The following TATDN2 variants were observed in gnomAD, a reference collection of about 807,000 sequenced individuals.
TATDN2 encodes 3'-5' RNA nuclease TATDN2.
Under a neutral mutation model 60.3 loss-of-function variants are expected in TATDN2, and 44 were observed. That is an observed-to-expected ratio of 0.73 (90% CI 0.57 to 0.94). The LOEUF (loss-of-function observed/expected upper bound fraction) is 0.94. Ranked by LOEUF, TATDN2 falls within the 40% of genes least tolerant of loss-of-function variation. TATDN2 has a pLI of 0.00. For missense variants in TATDN2, 997 were observed against 948.0 expected, an observed-to-expected ratio of 1.05 and a Z score of -0.68; for synonymous variants, 399 against 355.8, an observed-to-expected ratio of 1.12 and a Z score of -1.37.
At chr3:10,273,029 C>G (rs1698589129) in intron 4 of TATDN2, among the ~76,000 whole-genome samples, 1 of 152,068 alleles carries the variant, frequency 6.6e-6, no homozygotes, top group Non-Finnish European at 1.5e-5. Context: ...GACCCTGTCT[C>G]AAGACAAAAT....
At chr3:10,267,030 A>G (rs1698487570) in intron 3 of TATDN2, among the ~76,000 whole-genome samples, 1 of 148,608 alleles carries the variant, frequency 6.7e-6, no homozygotes, top group South Asian at 2.1e-4. Context: ...AGTGATTCTC[A>G]TGTCTCAGCC....
Position 10,278,394 on chromosome 3 carries a change from G to A in TATDN2, c.2077G>A (p.Ala693Thr), listed in dbSNP as rs1698669240. 4.3e-6 allele frequency: 7 copies of A among 1,614,104 alleles called. No homozygotes were observed. The highest frequency in any genetic ancestry group is 1.1e-5 in the South Asian group (1 of 91,090). The change falls in exon 6 of 8, where the codon GCC becomes ACC. Residue 693 changes from alanine to threonine, a missense_variant. Transcript: ENST00000448281. This position sits in a 1 kb window ranked among gnomAD's most constrained non-coding sequence, Gnocchi z 4.7. ...CTCCTCTGCCTGGGAGGCCCGGGAA[G>A]CCTTGAGGCAGATCCCACTGGAGAG... is the stretch of plus-strand genomic sequence containing the variant. ...TYSSAWEARE[A>T]LRQIPLERII...
At chr3:10,257,308 A>G (rs1030695310) in intron 2 of TATDN2, among the ~76,000 whole-genome samples, 2 of 148,160 alleles carry the variant, frequency 1.3e-5, no homozygotes, top group East Asian at 4.1e-4. Flanking sequence ...ATATATATAT[A>G]TATATGAATT....
chr3:10,267,210 C>T (rs1342709034), intron 3 of TATDN2, among the ~76,000 whole-genome samples: 2 of 151,848 alleles, frequency 1.3e-5, no homozygotes, highest in African/African-American at 2.4e-5. Context: ...CGTGAGCCCC[C>T]TTGCCCGGCT....
chr3:10,265,276 C>T (rs565615810), intron 3 of TATDN2, among the ~76,000 whole-genome samples: 2 of 150,494 alleles, frequency 1.3e-5, no homozygotes, highest in Admixed American at 6.6e-5. Context: ...AGGATTTCAC[C>T]ATGCTGGTCA....
Position 10,278,400 on chromosome 3 carries a change from A to G in TATDN2, c.2083A>G (p.Arg695Gly). 1 of 1,614,156 alleles carries G rather than the reference A, an allele frequency of 6.2e-7. No individual in the cohort carries two copies. Residue 695 changes from arginine to glycine, a missense_variant, in exon 6 of 8, where the codon AGG becomes GGG. Transcript: ENST00000448281. This position sits in a 1 kb window ranked among gnomAD's most constrained non-coding sequence, Gnocchi z 4.7. ...TGCCTGGGAGGCCCGGGAAGCCTTG[A>G]GGCAGATCCCACTGGAGAGAATCAT... ...SSAWEAREALRQIPLERIIVE... is the reference protein window; with the variant it reads ...SSAWEAREALGQIPLERIIVE...
Position 10,270,428 on chromosome 3 carries a change from A to G in TATDN2, c.1246A>G (p.Met416Val), listed in dbSNP as rs764390623. 5 of 1,614,220 alleles carry G rather than the reference A, an allele frequency of 3.1e-6. No individual in the cohort carries two copies. The highest frequency in any genetic ancestry group is 1.6e-4 in the Middle Eastern group (1 of 6,062). The change falls in exon 4 of 8, where the codon ATG (methionine) becomes GTG (valine). Residue 416 changes from methionine to valine, a missense_variant. Coordinates refer to ENST00000448281, the MANE Select transcript of TATDN2 (RefSeq NM_014760.4). Reference protein sequence around the residue: ...AQVGKSSRSRMSDYSPNSTGS... With the variant: ...AQVGKSSRSRVSDYSPNSTGS... Reference sequence around the variant, plus strand: ...GGTTGGGAAGAGCAGCCGGAGCCGCATGAGTGATTATTCCCCCAACTCTAC... The same window carrying G: ...GGTTGGGAAGAGCAGCCGGAGCCGCGTGAGTGATTATTCCCCCAACTCTAC...
At chr3:10,274,615 G>T (rs1470517115) in intron 4 of TATDN2, among the ~76,000 whole-genome samples, 1 of 151,192 alleles carries the variant, frequency 6.6e-6, no homozygotes, top group African/African-American at 2.4e-5. Context: ...GGGTCGGGGA[G>T]GGCAGATGAA....
chr3:10,251,531 G>A (rs1698232150), intron 2 of TATDN2, among the ~76,000 whole-genome samples: 1 of 151,774 alleles, frequency 6.6e-6, no homozygotes, highest in Non-Finnish European at 1.5e-5. Context: ...GACTACAGGT[G>A]TGCGCTACCG....
chr3:10,276,006 C>A (rs1698631434), intron 4 of TATDN2, among the ~76,000 whole-genome samples: 1 of 152,124 alleles, frequency 6.6e-6, no homozygotes, highest in African/African-American at 2.4e-5. Context: ...CCCTGCCCTG[C>A]CCCTGCCACC....
chr3:10,249,224 C>G lies in TATDN2; in HGVS notation c.24C>G (p.Val8=). Residue 8 remains valine (V), a synonymous_variant, in exon 2 of 8, where the codon GTC becomes GTG. Coordinates refer to ENST00000448281, the MANE Select transcript of TATDN2 (RefSeq NM_014760.4). ...CCATGGCGTCCGAGCGGGGCAAGGT[C>G]AAGCACAACTGGAGCAGCACGTCGG... The part of the protein sequence containing the change: MASERGK[V]KHNWSSTSEG... 1 of 1,537,796 alleles carries G rather than the reference C, an allele frequency of 6.5e-7. No individual in the cohort carries two copies. Among genetic ancestry groups the G allele is most frequent in the Non-Finnish European group, 8.8e-7 (1 of 1,140,492 alleles).
Position 10,270,364 on chromosome 3 carries a change from C to A in TATDN2, c.1182C>A (p.Ser394Arg). 6.2e-7 allele frequency: 1 copy of A among 1,614,194 alleles called. No homozygotes were observed. The highest frequency in any genetic ancestry group is 1.7e-5 in the Admixed American group (1 of 60,016). Residue 394 changes from serine (S) to arginine (R), a missense_variant, in exon 4 of 8, where the codon AGC (serine) becomes AGA (arginine). Ser to Arg is a moderately radical substitution (Grantham distance 110). Coordinates refer to ENST00000448281, the MANE Select transcript of TATDN2 (RefSeq NM_014760.4). The part of the protein sequence containing the change: ...SYWTSSPKPS[S>R]YPSTGSSSND... ...GGACCAGCAGCCCCAAGCCTTCTAG[C>A]TACCCCTCCACAGGCAGCAGCAGCA...
chr3:10,262,608 T>C (rs1370110706), intron 3 of TATDN2, among the ~76,000 whole-genome samples: 1 of 142,954 alleles, frequency 7.0e-6, no homozygotes, highest in Non-Finnish European at 1.5e-5. Flanking sequence ...TGATCTTGGC[T>C]CACTGCAGCC....
Position 10,248,622 on chromosome 3 carries a change from C to T in TATDN2, c.-452C>T, listed in dbSNP as rs1017369105. On this transcript the variant is annotated 5_prime_UTR_variant, in exon 1 of 8. Transcript: ENST00000448281. ...AGCTGCGGCAGCCGGCGGGGGGCGT[C>T]CTGAGTTGGCGGTCGAGGGCGCTGC... 3 of 151,964 alleles carry T rather than the reference C, an allele frequency of 2.0e-5. No individual in the cohort carries two copies. Among genetic ancestry groups the T allele is most frequent in the African/African-American group, 7.2e-5 (3 of 41,476 alleles). 9.4% of individuals were successfully genotyped at this position (151,964 alleles called of 1,614,324 possible).
intron 4 of TATDN2, 29 bp from the exon 5 acceptor site, chr3:10,276,332 A>G: frequency 1.2e-6 from 2 of 1,612,180 alleles, no homozygotes; most frequent in South Asian, 1.1e-5. Context: ...CTGCTAACCA[A>G]CAGGGGTTGT....
At chr3:10,269,190 G>A (rs773087991) in intron 3 of TATDN2, among the ~76,000 whole-genome samples, 16 of 152,212 alleles carry the variant, frequency 1.1e-4, no homozygotes, top group Non-Finnish European at 1.5e-4. Context: ...TTGGGTTGCC[G>A]GACTTCTTAC....
chr3:10,254,437 C>G (rs749594514), intron 2 of TATDN2, among the ~76,000 whole-genome samples: 1 of 152,182 alleles, frequency 6.6e-6, no homozygotes, highest in African/African-American at 2.4e-5. Flanking sequence ...CTGGCCCTCC[C>G]TTCTCTCATC....
At chr3:10,271,618 T>A (rs1400107363) in intron 4 of TATDN2, among the ~76,000 whole-genome samples, 2 of 152,204 alleles carry the variant, frequency 1.3e-5, no homozygotes, top group African/African-American at 2.4e-5. Flanking sequence ...TTGTTTTTTT[T>A]AAATATACCC....
chr3:10,251,424 C>T (rs1414810797), intron 2 of TATDN2, among the ~76,000 whole-genome samples: 2 of 152,126 alleles, frequency 1.3e-5, no homozygotes, highest in Admixed American at 6.5e-5. Flanking sequence ...CTTACTGTGT[C>T]ACCCAAGGTA....
Sources: allele counts gnomAD v4.1 joint callset (sites outside exome capture counted in the v4.1 genomes callset), GRCh38; gene constraint gnomAD v4.1.1; non-coding constraint Gnocchi (gnomAD v3.1); transcripts MANE v1.5; gene names NCBI Gene and HGNC (gene_info 2026-07-23, HGNC 2026-07-21).